Variants in GXYLT1 observed in about 807,000 individuals in gnomAD.
GXYLT1 encodes glucoside xylosyltransferase 1.
In GXYLT1, 29 loss-of-function variants were observed where a neutral mutation model predicts 54.0. The observed-to-expected ratio is 0.54, with a 90% confidence interval of 0.40 to 0.73. The LOEUF (loss-of-function observed/expected upper bound fraction) is 0.73, where lower values mean the gene tolerates loss of function less well. GXYLT1 is among the 30% of genes least tolerant of loss of function. The pLI is 0.00. For synonymous variants in GXYLT1, 176 were observed against 204.1 expected, an observed-to-expected ratio of 0.86 and a Z score of 1.17; for missense variants, 490 against 553.4, an observed-to-expected ratio of 0.89 and a Z score of 1.15.
At chr12:42,127,544 C>A (rs1035349468) in intron 2 of GXYLT1, among the ~76,000 whole-genome samples, 1 of 152,016 alleles carries the variant, frequency 6.6e-6, no homozygotes, top group African/African-American at 2.4e-5. Flanking sequence ...GTTAGAGGAG[C>A]CAAAACAAAA....
At chr12:42,117,055 A>G (rs1394204752) in intron 3 of GXYLT1, among the ~76,000 whole-genome samples, 1 of 146,816 alleles carries the variant, frequency 6.8e-6, no homozygotes, top group East Asian at 2.1e-4. Flanking sequence ...ACATGTTCTC[A>G]CTCATAGGTG....
chr12:42,134,334 CAG>C (rs563876581), intron 1 of GXYLT1, among the ~76,000 whole-genome samples: 2 of 152,200 alleles, frequency 1.3e-5, no homozygotes, highest in East Asian at 3.9e-4. Context: ...TTTTCTGAGA[CAG>C]GGTCTTGCTC....
chr12:42,125,278 A>G (rs536913585), intron 2 of GXYLT1, among the ~76,000 whole-genome samples: 44 of 152,332 alleles, frequency 2.9e-4, no homozygotes, highest in Admixed American at 5.2e-4. Context: ...GATGAAGGAA[A>G]GTCTGAGGAG....
rs763461802 is a variant in GXYLT1 at position 42,097,947 on chromosome 12, A to T, written c.951T>A (p.Asp317Glu). The part of the protein sequence containing the change: ...KKYKLNITWG[D>E]QDLLNIVFFH... ...AAAACACGATATTCAATAGATCTTG[A>T]TCACCCCATGTGATGTTTAGTTTGT... The change falls in exon 6 of 8, where the codon GAT (aspartate) becomes GAA (glutamate). Residue 317 changes from aspartate to glutamate, a missense_variant. This residue lies in a region of GXYLT1 where 342 missense variants were observed against 342.6 expected (regional missense o/e 1.00). Coordinates refer to ENST00000398675, the MANE Select transcript of GXYLT1 (RefSeq NM_173601.2). 2 of 1,602,876 alleles carry T rather than the reference A, an allele frequency of 1.2e-6. No individual in the cohort carries two copies. Among genetic ancestry groups the T allele is most frequent in the East Asian group, 2.2e-5 (1 of 44,742 alleles).
intron 2 of GXYLT1, among the ~76,000 whole-genome samples, chr12:42,127,520 C>A (rs1232278902): frequency 3.3e-5 from 5 of 152,026 alleles, no homozygotes; most frequent in South Asian, 4.2e-4. Flanking sequence ...TACTTGGGAG[C>A]ATTAGGAAAA....
intron 2 of GXYLT1, among the ~76,000 whole-genome samples, chr12:42,129,279 GCTGCTCCTCCAT>G (rs1768371755): frequency 6.6e-6 from 1 of 152,274 alleles, no homozygotes; most frequent in South Asian, 2.1e-4. Context: ...GTAGCCAGGA[GCTGCTCCTCCAT>G]CTGCTCCTCC....
At chr12:42,137,366 G>C (rs1565582286) in intron 1 of GXYLT1, among the ~76,000 whole-genome samples, 1 of 151,864 alleles carries the variant, frequency 6.6e-6, no homozygotes. Flanking sequence ...AAATTAGCCA[G>C]GCTTGGTGGC....
Position 42,144,860 on chromosome 12 carries a change from C to T in GXYLT1, c.-214G>A. The stretch of plus-strand genomic sequence containing the variant: ...GCCGAAGGACTACCCGCCCGGAAGC[C>T]TGGACACCGCCTCTGCCGCCGCGCG... On this transcript the variant is annotated 5_prime_UTR_variant, in exon 1 of 8. Transcript: ENST00000398675. 1 of 339,404 alleles carries T rather than the reference C, an allele frequency of 2.9e-6. No homozygotes were observed. Among genetic ancestry groups the T allele is most frequent in the Non-Finnish European group, 5.4e-6 (1 of 186,132 alleles). 21.0% of individuals were successfully genotyped at this position (339,404 alleles called of 1,614,324 possible).
At chr12:42,096,446 C>G (rs1462712445) in intron 7 of GXYLT1, among the ~76,000 whole-genome samples, 1 of 152,106 alleles carries the variant, frequency 6.6e-6, no homozygotes, top group Non-Finnish European at 1.5e-5. Context: ...ATACCTGGAA[C>G]AACTTTAGCA....
intron 5 of GXYLT1, among the ~76,000 whole-genome samples, chr12:42,098,786 A>ATATATATATATATATATAC (rs1565567184): frequency 1.9e-5 from 1 of 52,278 alleles, no homozygotes; most frequent in African/African-American, 7.5e-5. Context: ...TATATATATA[A>ATATATATATATATATATAC]TACATGTGTG....
chr12:42,091,084 T>A (rs925897797), intron 7 of GXYLT1, among the ~76,000 whole-genome samples: 5 of 152,224 alleles, frequency 3.3e-5, no homozygotes, highest in African/African-American at 4.8e-5. Context: ...TGCATAAATA[T>A]CCTTGTCTGA....
At chr12:42,111,987 G>A (rs1180640732) in intron 3 of GXYLT1, among the ~76,000 whole-genome samples, 1 of 152,212 alleles carries the variant, frequency 6.6e-6, no homozygotes, top group African/African-American at 2.4e-5. Flanking sequence ...ACCAATATCT[G>A]CTGTTCTGCA....
At chr12:42,108,608 GGAAGA>G (rs970392317) in intron 4 of GXYLT1, among the ~76,000 whole-genome samples, 29 of 152,104 alleles carry the variant, frequency 1.9e-4, no homozygotes, top group African/African-American at 6.3e-4. Flanking sequence ...TTTTTACAAT[GGAAGA>G]GAAGAGAAAG....
chr12:42,138,250 G>A (rs1448888680), intron 1 of GXYLT1, among the ~76,000 whole-genome samples: 1 of 152,128 alleles, frequency 6.6e-6, no homozygotes. Context: ...CTGGGTGACA[G>A]AGACTGCGTC....
chr12:42,119,214 T>A (rs1399509489), intron 2 of GXYLT1, 43 bp from the exon 3 acceptor site: 4 of 1,416,708 alleles, frequency 2.8e-6, no homozygotes, highest in Non-Finnish European at 3.9e-6. Flanking sequence ...TTTTAGTATA[T>A]GTTTACAATG....
Position 42,084,212 on chromosome 12 carries a change from A to G in GXYLT1, c.*3574T>C, listed in dbSNP as rs188660855. Reference sequence around the variant, plus strand: ...CATTTCTCTCCATCTCTACTTCTCAATTTTCCATACACTCATTCCATCTTT... The same window carrying G: ...CATTTCTCTCCATCTCTACTTCTCAGTTTTCCATACACTCATTCCATCTTT... On this transcript the variant is annotated 3_prime_UTR_variant, in exon 8 of 8. Coordinates refer to ENST00000398675, the MANE Select transcript of GXYLT1 (RefSeq NM_173601.2). 6.6e-4 allele frequency: 100 copies of G among 152,518 alleles called. No individual in the cohort carries two copies. Among genetic ancestry groups the G allele is most frequent in the African/African-American group, 2.4e-3 (99 of 41,600 alleles). 9.4% of individuals were successfully genotyped at this position (152,518 alleles called of 1,614,324 possible). A position where few individuals can be genotyped will look rare whatever the true frequency, so the allele number is the denominator to read the frequency against.
intron 5 of GXYLT1, among the ~76,000 whole-genome samples, chr12:42,103,551 T>TA (rs1316341930): frequency 2.6e-5 from 4 of 152,202 alleles, no homozygotes; most frequent in Non-Finnish European, 5.9e-5. Context: ...TGTTTTGCTA[T>TA]AGATATAAAG....
intron 2 of GXYLT1, among the ~76,000 whole-genome samples, chr12:42,128,669 G>A (rs533587266): frequency 3.3e-5 from 5 of 152,272 alleles, no homozygotes; most frequent in African/African-American, 9.6e-5. Context: ...CTAGCACAGC[G>A]TGTGGCAAAT....
chr12:42,094,351 CAAAA>C (rs11406709), intron 7 of GXYLT1, among the ~76,000 whole-genome samples: 3 of 74,628 alleles, frequency 4.0e-5, no homozygotes, highest in Non-Finnish European at 2.6e-5. Context: ...AACCCTGCCT[CAAAA>C]AAAAAAAAAA....
Sources: allele counts gnomAD v4.1 joint callset (sites outside exome capture counted in the v4.1 genomes callset), GRCh38; gene constraint gnomAD v4.1.1; regional missense constraint gnomAD v4.1.1; transcripts MANE v1.5; gene names NCBI Gene and HGNC (gene_info 2026-07-23, HGNC 2026-07-21).